The following TUSC3 variants were observed in gnomAD, a reference collection of about 807,000 sequenced individuals.
TUSC3 encodes the protein tumor suppressor candidate 3.
Under a neutral mutation model 44.8 loss-of-function variants are expected in TUSC3, and 45 were observed. That is an observed-to-expected ratio of 1.00 (90% CI 0.79 to 1.29). The LOEUF (loss-of-function observed/expected upper bound fraction) is 1.29. Ranked by LOEUF, TUSC3 falls within the 50% of genes most tolerant of loss-of-function variation. The pLI is 0.00. For synonymous variants in TUSC3, 212 were observed against 152.9 expected (o/e 1.39, Z -2.85); for missense variants, 519 against 437.9 (o/e 1.19, Z -1.65).
chr8:15,578,609 G>T (rs1352665042), intron 1 of TUSC3, among the ~76,000 whole-genome samples: 1 of 149,200 alleles, frequency 6.7e-6, no homozygotes, highest in Admixed American at 6.7e-5. Flanking sequence ...TTATATGCTG[G>T]ATTACATTTA....
intron 1 of TUSC3, among the ~76,000 whole-genome samples, chr8:15,450,169 A>T (rs1800175012): frequency 6.6e-6 from 1 of 152,022 alleles, no homozygotes; most frequent in African/African-American, 2.4e-5. Flanking sequence ...TACTAACATT[A>T]TTTGTTTCTG....
chr8:15,653,828 G>C (rs1171902222), intron 3 of TUSC3, among the ~76,000 whole-genome samples: 1 of 152,134 alleles, frequency 6.6e-6, no homozygotes, highest in Non-Finnish European at 1.5e-5. Context: ...TCTCTGAATT[G>C]ATGTTTTAAA....
intron 5 of TUSC3, among the ~76,000 whole-genome samples, chr8:15,669,583 T>C (rs1023894701): frequency 2.0e-5 from 3 of 151,860 alleles, no homozygotes; most frequent in African/African-American, 7.2e-5. Flanking sequence ...GTGAAAATTA[T>C]CAGTGTAATT....
intron 1 of TUSC3, among the ~76,000 whole-genome samples, chr8:15,591,016 A>G (rs942996480): frequency 6.6e-6 from 1 of 152,188 alleles, no homozygotes; most frequent in African/African-American, 2.4e-5. Flanking sequence ...AGTAGGAGAA[A>G]TCTTTGCCAT....
chr8:15,573,194 CTCTCTCTCTATA>C (rs1408286535), intron 1 of TUSC3, among the ~76,000 whole-genome samples: 8 of 104,742 alleles, frequency 7.6e-5, no homozygotes, highest in East Asian at 6.4e-4. Flanking sequence ...CTCTCTCTCT[CTCTCTCTCTATA>C]TATATATATA....
intron 1 of TUSC3, among the ~76,000 whole-genome samples, chr8:15,615,418 G>A (rs1158605546): frequency 6.6e-6 from 1 of 152,122 alleles, no homozygotes; most frequent in Non-Finnish European, 1.5e-5. Context: ...CCAAAAACCA[G>A]ATTGAGCTCA....
chr8:15,431,127 A>T (rs1027716893), intron 1 of TUSC3, among the ~76,000 whole-genome samples: 1 of 151,734 alleles, frequency 6.6e-6, no homozygotes, highest in African/African-American at 2.4e-5. Context: ...TGATGGCTCC[A>T]GATTTGTTTA....
intron 2 of TUSC3, among the ~76,000 whole-genome samples, chr8:15,515,752 C>T (rs1189327063): frequency 6.6e-6 from 1 of 152,120 alleles, no homozygotes; most frequent in South Asian, 2.1e-4. Context: ...ACTGCAACCT[C>T]TCCCTCCCAG....
intron 1 of TUSC3, among the ~76,000 whole-genome samples, chr8:15,597,549 G>A: frequency 6.6e-6 from 1 of 151,990 alleles, no homozygotes. Flanking sequence ...TTTTTTAAGA[G>A]AATCAAGCCT....
intron 6 of TUSC3, among the ~76,000 whole-genome samples, chr8:15,698,569 G>A (rs902747536): frequency 1.3e-5 from 2 of 152,032 alleles, no homozygotes; most frequent in African/African-American, 2.4e-5. Context: ...TTATGTTACC[G>A]AGGTAATCTC....
intron 1 of TUSC3, among the ~76,000 whole-genome samples, chr8:15,448,108 C>CATACATATATATATATATATATATAT (rs1554502629): frequency 9.3e-5 from 9 of 96,464 alleles, no homozygotes; most frequent in African/African-American, 4.7e-4. Context: ...AGTGTATATA[C>CATACATATATATATATATATATATAT]ATATATATAT....
intron 2 of TUSC3, among the ~76,000 whole-genome samples, chr8:15,504,537 C>G (rs1585068607): frequency 7.7e-6 from 1 of 129,516 alleles, no homozygotes; most frequent in East Asian, 2.4e-4. Context: ...AACAGAATTC[C>G]TATTTTGTTC....
intron 1 of TUSC3, among the ~76,000 whole-genome samples, chr8:15,440,368 A>C (rs1800004933): frequency 6.6e-6 from 1 of 152,156 alleles, no homozygotes; most frequent in Non-Finnish European, 1.5e-5. Flanking sequence ...CCAAGTAGAA[A>C]CCCAGAATGA....
intron 1 of TUSC3, among the ~76,000 whole-genome samples, chr8:15,432,254 T>C (rs1254757285): frequency 6.6e-6 from 1 of 152,122 alleles, no homozygotes; most frequent in African/African-American, 2.4e-5. Context: ...TTTGTTGTTG[T>C]TGTTGAGAGG....
chr8:15,446,569 A>G (rs964781596), intron 1 of TUSC3, among the ~76,000 whole-genome samples: 7 of 151,898 alleles, frequency 4.6e-5, no homozygotes, highest in Admixed American at 3.9e-4. Context: ...CCACCAAAAA[A>G]TACAAAAACG....
chr8:15,528,865 C>G (rs538577420), intron 2 of TUSC3, among the ~76,000 whole-genome samples: 10 of 152,178 alleles, frequency 6.6e-5, no homozygotes, highest in East Asian at 1.9e-4. Context: ...TGCATTATGC[C>G]AAAAAGCAGT....
rs143805944 is a variant in TUSC3 at position 15,695,569 on chromosome 8, T to C, written c.798+21733T>C. ...GATGCTGAAAAGCTACCCAAAAATG[T>C]GGAAGTGACTTTGGAACTTGGTAAC... On this transcript the variant is annotated intron_variant, in intron 6 of 10. Transcript: ENST00000503731. Among the ~76,000 whole-genome samples, 635 of 152,262 alleles carry C rather than the reference T, an allele frequency of 4.2e-3. 5 individuals are homozygous for C. The highest frequency in any genetic ancestry group is 0.014 in the African/African-American group (601 of 41,554).
chr8:15,752,289 T>G (rs960969644), intron 9 of TUSC3, among the ~76,000 whole-genome samples: 1 of 152,140 alleles, frequency 6.6e-6, no homozygotes, highest in South Asian at 2.1e-4. Context: ...AAGAGAAATA[T>G]GTTCATGGTA....
At chr8:15,585,931 G>A (rs368883002) in intron 1 of TUSC3, among the ~76,000 whole-genome samples, 1 of 152,092 alleles carries the variant, frequency 6.6e-6, no homozygotes, top group Admixed American at 6.6e-5. Context: ...AAAGTAGATG[G>A]GATCACCCAT....
Sources: allele counts gnomAD v4.1 joint callset (sites outside exome capture counted in the v4.1 genomes callset), GRCh38; gene constraint gnomAD v4.1.1; transcripts MANE v1.5; gene names NCBI Gene and HGNC (gene_info 2026-07-23, HGNC 2026-07-21).